The following JUP variants were observed in gnomAD, a reference collection of about 807,000 sequenced individuals.
JUP encodes junction plakoglobin.
Under a neutral mutation model 71.1 loss-of-function variants are expected in JUP, and 28 were observed. The observed-to-expected ratio is 0.39, with a 90% CI of 0.29 to 0.54. The LOEUF (loss-of-function observed/expected upper bound fraction) is 0.54. JUP is among the 20% of genes least tolerant of loss of function. The pLI is 0.62. For synonymous variants in JUP, 401 were observed against 438.9 expected (o/e 0.91, Z 1.08); for missense variants, 869 against 1,030.1 (o/e 0.84, Z 2.14).
Position 41,757,682 on chromosome 17 carries a change from C to T in JUP, c.1876G>A (p.Ala626Thr), listed in dbSNP as rs782547688. 9 of 1,613,466 alleles carry T rather than the reference C, an allele frequency of 5.6e-6. No individual in the cohort carries two copies. Among genetic ancestry groups the T allele is most frequent in the Admixed American group, 5.0e-5 (3 of 59,942 alleles). ...AGCAACTCCATGAGTGGGGCCGAGG[C>T]CCCCTCTGCATCAATGGCGTCGGCC... ...EAADAIDAEG[A>T]SAPLMELLHS... Residue 626 changes from alanine (A) to threonine (T), a missense_variant, in exon 11 of 14, where the codon GCC becomes ACC. Ala to Thr is a moderately conservative substitution (Grantham distance 58). Transcript: ENST00000393931.
chr17:41,764,865 G>A lies in JUP; in HGVS notation c.1055-49C>T, dbSNP rs782039906. On this transcript the variant is annotated intron_variant, in intron 6 of 13. Transcript: ENST00000393931. Reference sequence around the variant, plus strand: ...TCAGCCACGGGGAGCATGGCTGACTGAGCCTGGCAGCTGGGCAGAGCTCCC... The same window carrying A: ...TCAGCCACGGGGAGCATGGCTGACTAAGCCTGGCAGCTGGGCAGAGCTCCC... 4.3e-6 allele frequency: 7 copies of A among 1,613,694 alleles called. No homozygotes were observed. In the South Asian group the frequency reaches 5.5e-5, roughly 13 times the overall value.
intron 2 of JUP, among the ~76,000 whole-genome samples, chr17:41,770,397 A>C (rs1231259440): frequency 1.3e-5 from 2 of 152,126 alleles, no homozygotes; most frequent in African/African-American, 4.8e-5. Context: ...AACTGTCCTG[A>C]TGCCCCCAGG....
intron 1 of JUP, chr17:41,785,226 G>C (rs1161662813): frequency 6.6e-6 from 1 of 151,740 alleles, no homozygotes; most frequent in Non-Finnish European, 1.5e-5. Flanking sequence ...TCAATAACCA[G>C]CCAGCTAAGT....
At chr17:41,769,784 T>C (rs1413379069) in intron 2 of JUP, 107 bp from the exon 3 acceptor site, 8 of 1,282,264 alleles carry the variant, frequency 6.2e-6, no homozygotes, top group Non-Finnish European at 8.6e-6. Flanking sequence ...GGCTACCTCT[T>C]GCCCTGCCCA....
rs111552806 is a variant in JUP at position 41,785,259 on chromosome 17, C to CA, written c.-9+1328dup. The CA allele has an allele frequency of 5.9e-3, 828 of 140,372 alleles. 5 individuals carry two copies. The highest frequency in any genetic ancestry group is 0.011 in the African/African-American group (435 of 38,320). The allele number at this position is 140,372 out of a possible 1,614,324, so 8.7% of individuals were successfully genotyped here. ...AGTAATGTGGGGGATGGGGTAGAGG[C>CA]AAAAAAAAAAAGACAAGAACAACCA... On this transcript the variant is annotated intron_variant, in intron 1 of 13. Transcript: ENST00000393931.
intron 1 of JUP, among the ~76,000 whole-genome samples, chr17:41,778,520 T>A (rs1555609407): frequency 2.7e-5 from 4 of 148,124 alleles, no homozygotes; most frequent in Admixed American, 6.8e-5. Flanking sequence ...TGAGCTGAGA[T>A]CTGCACTCCA....
At chr17:41,757,839 C>A in intron 10 of JUP, 55 bp from the exon 11 acceptor site, 1 of 1,475,304 alleles carries the variant, frequency 6.8e-7, no homozygotes, top group Non-Finnish European at 9.3e-7. Flanking sequence ...TGAGGCAGGC[C>A]GGACAACACA....
rs782166986 is a variant in JUP at position 41,755,074 on chromosome 17, C to A, written c.*670G>T. ...GCCCTGGGGGCTTAGGGCAGTTGGT[C>A]GGTGGAGTTCAGTGAGAAAATCAGA... On this transcript the variant is annotated 3_prime_UTR_variant, in exon 14 of 14. Coordinates refer to ENST00000393931, the MANE Select transcript of JUP (RefSeq NM_002230.4). 3.4e-5 allele frequency: 13 copies of A among 387,902 alleles called. No individual in the cohort carries two copies. The highest frequency in any genetic ancestry group is 5.0e-5 in the Non-Finnish European group (11 of 219,746). The allele number at this position is 387,902 out of a possible 1,614,324, so 24.0% of individuals were successfully genotyped here.
intron 12 of JUP, 95 bp from the exon 13 acceptor site, chr17:41,756,309 A>G (rs1158003025): frequency 1.6e-6 from 2 of 1,289,806 alleles, no homozygotes; most frequent in African/African-American, 1.5e-5. Flanking sequence ...CTTCTAAAAG[A>G]GGGGGCCAGG....
At chr17:41,766,233 C>T (rs1254556636) in intron 5 of JUP, among the ~76,000 whole-genome samples, 2 of 149,792 alleles carry the variant, frequency 1.3e-5, no homozygotes, top group African/African-American at 2.5e-5. Flanking sequence ...GCCTGGGTAA[C>T]ACAGTGAGAC....
chr17:41,786,263 C>T (rs1051014147), intron 1 of JUP: 3 of 152,246 alleles, frequency 2.0e-5, no homozygotes, highest in East Asian at 1.9e-4. Context: ...GCAAAGTCTC[C>T]CCCGCCAGCC....
At chr17:41,774,741 G>A (rs1917182466) in intron 1 of JUP, among the ~76,000 whole-genome samples, 1 of 152,162 alleles carries the variant, frequency 6.6e-6, no homozygotes, top group South Asian at 2.1e-4. Context: ...GTGGAGCTGA[G>A]CCCTCTTGCC....
At chr17:41,758,325 A>G in intron 10 of JUP, 74 bp downstream of exon 10, 1 of 1,599,028 alleles carries the variant, frequency 6.3e-7, no homozygotes, top group Non-Finnish European at 8.5e-7. Flanking sequence ...CAGGCCTCCC[A>G]AATCTGGGAC....
chr17:41,770,117 G>C (rs1202516509), intron 2 of JUP, among the ~76,000 whole-genome samples: 1 of 152,102 alleles, frequency 6.6e-6, no homozygotes, highest in African/African-American at 2.4e-5. Flanking sequence ...TTACCCATCA[G>C]GTCTGTTTTC....
At chr17:41,758,236 A>T in intron 10 of JUP, 163 bp downstream of exon 10, 1 of 768,084 alleles carries the variant, frequency 1.3e-6, no homozygotes, top group Non-Finnish European at 2.1e-6. Flanking sequence ...AGCCATGCCC[A>T]TGCAGGGGGT....
intron 8 of JUP, among the ~76,000 whole-genome samples, chr17:41,762,153 GA>G (rs1914932406): frequency 8.4e-6 from 1 of 118,884 alleles, no homozygotes; most frequent in African/African-American, 3.1e-5. Flanking sequence ...GAGAGAGAGA[GA>G]GAGAGAGAGA....
At position 41,769,560 on chromosome 17, in the gene JUP, T is replaced by C; in HGVS notation, c.326A>G (p.Gln109Arg). Residue 109 changes from glutamine to arginine, a missense_variant, in exon 3 of 14, where the codon CAG becomes CGG. Physicochemically the swap from Gln to Arg is conservative, Grantham distance 43. Transcript: ENST00000393931. ...SLLLATQVEG[Q>R]ATNLQRLAEP... ...GGCCAGTCGCTGCAGGTTGGTGGCC[T>C]GCCCCTCCACCTGGGTGGCCAGCAG... is the stretch of plus-strand genomic sequence containing the variant. The C allele has an allele frequency of 6.2e-7, 1 of 1,608,246 alleles. No individual in the cohort carries two copies. Among genetic ancestry groups the C allele is most frequent in the Non-Finnish European group, 8.5e-7 (1 of 1,178,072 alleles).
chr17:41,765,058 G>C lies in JUP; in HGVS notation c.919C>G (p.Leu307Val). The change falls in exon 6 of 14, where the codon CTG (leucine) becomes GTG (valine). Residue 307 changes from leucine (L) to valine (V), a missense_variant. By Grantham distance (32) the Leu-to-Val change is conservative (BLOSUM62 1). Coordinates refer to ENST00000393931, the MANE Select transcript of JUP (RefSeq NM_002230.4). ...YGNQESKLII[L>V]ANGGPQALVQ... ...AGGGCCTGGGGCCCACCATTGGCCAGGATGATCAGCTATGGGTAAAGAGGG... is the reference window on the plus strand; with the variant it reads ...AGGGCCTGGGGCCCACCATTGGCCACGATGATCAGCTATGGGTAAAGAGGG... 1 of 1,614,130 alleles carries C rather than the reference G, an allele frequency of 6.2e-7. No homozygotes were observed. Among genetic ancestry groups the C allele is most frequent in the Non-Finnish European group, 8.5e-7 (1 of 1,179,982 alleles).
At chr17:41,756,265 G>C (rs373762474) in intron 12 of JUP, 51 bp from the exon 13 acceptor site, 2 of 1,571,082 alleles carry the variant, frequency 1.3e-6, no homozygotes, top group Non-Finnish European at 1.7e-6. Flanking sequence ...TGCAGGCTCC[G>C]AGCTGGATCT....
Sources: gnomAD v4.1 joint callset for allele counts (sites outside exome capture counted in the v4.1 genomes callset) on GRCh38, gnomAD v4.1.1 for gene constraint, MANE v1.5 for transcripts, NCBI Gene and HGNC (gene_info 2026-07-23, HGNC 2026-07-21) for gene names.